Variants in PACRG observed in about 807,000 individuals in gnomAD.
The protein encoded by PACRG is parkin coregulated gene protein.
Under a neutral mutation model 29.7 loss-of-function variants are expected in PACRG, and 29 were observed. That is an observed-to-expected ratio of 0.98 (90% confidence interval 0.73 to 1.33). The LOEUF (loss-of-function observed/expected upper bound fraction) is 1.33, where lower values mean the gene tolerates loss of function less well. PACRG is among the 40% of genes most tolerant of loss of function. The probability of loss-of-function intolerance (pLI) is 0.00; values close to 1 mark genes in which losing one functional copy is unlikely to be tolerated. For missense variants in PACRG, 279 were observed against 316.2 expected (o/e 0.88, Z 0.89); for synonymous variants, 116 against 118.7 (o/e 0.98, Z 0.15).
chr6:163,100,551 G>A (rs1239947437), intron 4 of PACRG, among the ~76,000 whole-genome samples: 1 of 152,138 alleles, frequency 6.6e-6, no homozygotes, highest in East Asian at 1.9e-4. Context: ...CCAGTTCCCC[G>A]CGACTCTTTA....
At chr6:163,109,184 A>C (rs555658300) in intron 4 of PACRG, among the ~76,000 whole-genome samples, 25 of 152,362 alleles carry the variant, frequency 1.6e-4, no homozygotes, top group African/African-American at 6.0e-4. Context: ...TCTCTACCAG[A>C]CAACTTTTAC....
intron 4 of PACRG, among the ~76,000 whole-genome samples, chr6:163,223,625 A>G (rs1781672278): frequency 6.6e-6 from 1 of 152,202 alleles, no homozygotes; most frequent in Non-Finnish European, 1.5e-5. Flanking sequence ...AGAAGCCTAA[A>G]TCAAGGGTTA....
intron 1 of PACRG, among the ~76,000 whole-genome samples, chr6:162,760,698 T>G (rs932413813): frequency 2.6e-5 from 4 of 151,982 alleles, no homozygotes; most frequent in African/African-American, 9.7e-5. Context: ...GTTTAGAAAG[T>G]GTGAGGCTGT....
chr6:162,728,304 G>T lies in PACRG; in HGVS notation c.69G>T (p.Leu23=), dbSNP rs1262029166. ...ACAAGATGCCGAAGAGGACCAAGCT[G>T]CTGGCACAACAGCCGCTCCCGGTGC... The part of the protein sequence containing the change: ...CPDKMPKRTK[L]LAQQPLPVHQ... The change falls in exon 1 of 5, where the codon CTG becomes CTT. Residue 23 remains leucine, a synonymous_variant. Coordinates refer to ENST00000366888, the MANE Select transcript of PACRG (RefSeq NM_001080379.2). 6.2e-7 allele frequency: 1 copy of T among 1,613,954 alleles called. No homozygotes were observed. Among genetic ancestry groups the T allele is most frequent in the Non-Finnish European group, 8.5e-7 (1 of 1,180,044 alleles).
intron 2 of PACRG, among the ~76,000 whole-genome samples, chr6:163,036,821 TATCCATCCATCC>T (rs543175236): frequency 1.3e-5 from 2 of 151,586 alleles, no homozygotes; most frequent in Non-Finnish European, 2.9e-5. Context: ...CTCTTTTATT[TATCCATCCATCC>T]ATCCATCCAC....
chr6:162,976,106 C>A (rs1419681250), intron 2 of PACRG, among the ~76,000 whole-genome samples: 1 of 152,102 alleles, frequency 6.6e-6, no homozygotes. Context: ...TTTGAGAAAT[C>A]CTGAAACCCG....
intron 2 of PACRG, among the ~76,000 whole-genome samples, chr6:163,048,435 G>T (rs1424980401): frequency 2.0e-5 from 3 of 152,070 alleles, no homozygotes; most frequent in Non-Finnish European, 4.4e-5. Flanking sequence ...GAAAAATTCT[G>T]GCATTTCTGT....
intron 2 of PACRG, among the ~76,000 whole-genome samples, chr6:162,958,265 T>G (rs73607817): frequency 0.16 from 24,250 of 152,082 alleles, 3,447 homozygotes; most frequent in African/African-American, 0.38. Flanking sequence ...TTATGAAAAA[T>G]AATGAATTTC....
intron 1 of PACRG, among the ~76,000 whole-genome samples, chr6:162,801,783 A>G (rs1031818885): frequency 1.3e-5 from 2 of 152,146 alleles, no homozygotes; most frequent in Non-Finnish European, 2.9e-5. Context: ...TGGTTATAAG[A>G]TTGTAGTAAT....
rs114197608 is a variant in PACRG, at chr6:162,731,767, G to A, written c.156+3376G>A. Among the ~76,000 whole-genome samples the A allele has an allele frequency of 3.1e-3, 476 of 152,212 alleles. 1 individual carries two copies. The highest frequency in any genetic ancestry group is 0.01 in the African/African-American group (431 of 41,534). On this transcript the variant is annotated intron_variant, in intron 1 of 4. Coordinates refer to ENST00000366888, the MANE Select transcript of PACRG (RefSeq NM_001080379.2). ...TACCAATCATGTGCTCATTTAACAC[G>A]TAGTGGTAATCATCAATATTTATAA...
intron 4 of PACRG, among the ~76,000 whole-genome samples, chr6:163,214,966 A>G (rs1185023086): frequency 6.6e-6 from 1 of 152,194 alleles, no homozygotes; most frequent in African/African-American, 2.4e-5. Context: ...ATGAAGGTTG[A>G]CATTTGTTAA....
At chr6:163,297,982 G>C (rs1031172653) in intron 4 of PACRG, among the ~76,000 whole-genome samples, 3 of 151,992 alleles carry the variant, frequency 2.0e-5, no homozygotes, top group African/African-American at 7.3e-5. Flanking sequence ...CCAATTCTTC[G>C]GTGCCCAAGG....
chr6:163,146,861 T>A (rs1195276414), intron 4 of PACRG, among the ~76,000 whole-genome samples: 1 of 152,266 alleles, frequency 6.6e-6, no homozygotes, highest in Non-Finnish European at 1.5e-5. Context: ...GATAATATCC[T>A]ATTCATTTTC....
At chr6:162,752,855 T>C (rs891278801) in intron 1 of PACRG, among the ~76,000 whole-genome samples, 1 of 152,228 alleles carries the variant, frequency 6.6e-6, no homozygotes, top group Non-Finnish European at 1.5e-5. Flanking sequence ...TTGAGATTTG[T>C]ATGCTAGCTC....
chr6:163,274,962 A>G (rs1242961284), intron 4 of PACRG, among the ~76,000 whole-genome samples: 2 of 147,476 alleles, frequency 1.4e-5, no homozygotes, highest in African/African-American at 5.0e-5. Flanking sequence ...TCCCAAGTTC[A>G]AGCAATTCTC....
At chr6:162,854,934 T>C (rs2128431864) in intron 2 of PACRG, among the ~76,000 whole-genome samples, 1 of 152,334 alleles carries the variant, frequency 6.6e-6, no homozygotes, top group Middle Eastern at 3.4e-3. Flanking sequence ...CTTCCTCTTA[T>C]CACCGTATCC....
intron 4 of PACRG, among the ~76,000 whole-genome samples, chr6:163,199,438 A>G (rs1780605386): frequency 6.6e-6 from 1 of 152,130 alleles, no homozygotes; most frequent in South Asian, 2.1e-4. Context: ...TCATTCCTTC[A>G]AGGCTCATGA....
At chr6:163,273,046 T>C (rs945008780) in intron 4 of PACRG, among the ~76,000 whole-genome samples, 3 of 147,792 alleles carry the variant, frequency 2.0e-5, no homozygotes, top group Non-Finnish European at 4.4e-5. Context: ...CGCCCGCCAC[T>C]ACGCCCGGCT....
intron 1 of PACRG, among the ~76,000 whole-genome samples, chr6:162,797,757 T>A (rs921378127): frequency 2.6e-5 from 4 of 152,204 alleles, no homozygotes; most frequent in Admixed American, 6.5e-5. Context: ...TTTTTCTCAT[T>A]TCTGTCCTTT....
Sources: gnomAD v4.1 joint callset for allele counts (sites outside exome capture counted in the v4.1 genomes callset) on GRCh38, gnomAD v4.1.1 for gene constraint, MANE v1.5 for transcripts, NCBI Gene and HGNC (gene_info 2026-07-23, HGNC 2026-07-21) for gene names.